REPS2: variants seen among roughly 807,000 people sequenced by gnomAD.
The protein encoded by REPS2 is ralBP1-associated Eps domain-containing protein 2.
Under a neutral mutation model 53.6 loss-of-function variants are expected in REPS2, and 23 were observed. The observed-to-expected ratio is 0.43, with a 90% CI of 0.31 to 0.61. REPS2 has a LOEUF of 0.61. REPS2 is among the 20% of genes least tolerant of loss of function. The pLI, the probability that REPS2 is intolerant of heterozygous loss-of-function variation, is 0.11. For missense variants in REPS2, 446 were observed against 534.9 expected, an observed-to-expected ratio of 0.83 and a Z score of 1.64; for synonymous variants, 238 against 218.6, an observed-to-expected ratio of 1.09 and a Z score of -0.78.
intron 1 of REPS2, among the ~76,000 whole-genome samples, chrX:17,000,806 A>G (rs1460131578): frequency 8.9e-6 from 1 of 112,139 alleles, no homozygotes; most frequent in Non-Finnish European, 1.9e-5. Context: ...ATGGGATTCA[A>G]AGAATAGTGT....
intron 1 of REPS2, among the ~76,000 whole-genome samples, chrX:16,981,696 G>A (rs1277928400): frequency 9.0e-6 from 1 of 111,727 alleles, no homozygotes; most frequent in East Asian, 2.8e-4. Flanking sequence ...CTTACCCGTA[G>A]GCAAAAATTG....
At chrX:17,088,225 A>C (rs1331931113) in intron 13 of REPS2, among the ~76,000 whole-genome samples, 1 of 111,763 alleles carries the variant, frequency 8.9e-6, no homozygotes. Context: ...ATACAGAAAC[A>C]CAACTAGTGA....
chrX:17,068,313 C>CA (rs1316646004), intron 9 of REPS2, 89 bp from the exon 10 acceptor site: 21,395 of 528,504 alleles, frequency 0.04, no homozygotes, highest in Non-Finnish European at 0.045. Context: ...GACTCTGTCT[C>CA]AAAAAAAAAA....
chrX:17,160,708 G>C, the REPS2 span, among the ~76,000 whole-genome samples: 10 of 112,295 alleles, frequency 8.9e-5, no homozygotes, highest in African/African-American at 1.6e-4. Flanking sequence ...GGGACCAAGA[G>C]TCCAGAGGGT....
intron 5 of REPS2, among the ~76,000 whole-genome samples, chrX:17,033,570 G>C (rs1302419737): frequency 8.9e-6 from 1 of 111,828 alleles, no homozygotes; most frequent in African/African-American, 3.2e-5. Context: ...CCTTATGCCT[G>C]TTCAGTCCCC....
intron 2 of REPS2, among the ~76,000 whole-genome samples, chrX:17,015,632 A>C (rs4828543): frequency 1.9e-5 from 2 of 104,623 alleles, no homozygotes; most frequent in African/African-American, 7.0e-5. Flanking sequence ...TCATTGTTCA[A>C]TTCCCACCTA....
At chrX:16,948,558 G>A (rs1457421491) in intron 1 of REPS2, among the ~76,000 whole-genome samples, 2 of 112,375 alleles carry the variant, frequency 1.8e-5, no homozygotes, top group Non-Finnish European at 3.8e-5. Flanking sequence ...ATAATTGACT[G>A]AGGCTATGCA....
chrX:17,183,942 G>T, the REPS2 span, among the ~76,000 whole-genome samples: 1 of 111,360 alleles, frequency 9.0e-6, no homozygotes, highest in Non-Finnish European at 1.9e-5. Context: ...CTTTCATTTG[G>T]ATCTCTGCAA....
intron 1 of REPS2, among the ~76,000 whole-genome samples, chrX:16,956,365 A>G (rs1377557680): frequency 1.2e-5 from 1 of 84,127 alleles, no homozygotes; most frequent in Non-Finnish European, 2.1e-5. Flanking sequence ...GCAATCTCAC[A>G]ATTTTGGTTC....
chrX:17,100,637 C>T (rs1428012256), intron 13 of REPS2, among the ~76,000 whole-genome samples: 1 of 112,517 alleles, frequency 8.9e-6, no homozygotes, highest in Non-Finnish European at 1.9e-5. Context: ...CTAGTAAATG[C>T]TCCCCTTTGA....
At chrX:17,079,388 G>A (rs2062424217) in intron 13 of REPS2, among the ~76,000 whole-genome samples, 1 of 111,580 alleles carries the variant, frequency 9.0e-6, no homozygotes, top group East Asian at 2.8e-4. Context: ...CAGAAGGCTC[G>A]CAAAAGGACT....
chrX:17,156,047 G>A (rs764670692), downstream of REPS2, among the ~76,000 whole-genome samples: 2 of 111,799 alleles, frequency 1.8e-5, no homozygotes, highest in East Asian at 5.6e-4. Flanking sequence ...AAGCCTGCAG[G>A]AGAAAATGCT....
intron 5 of REPS2, among the ~76,000 whole-genome samples, chrX:17,046,163 T>A (rs193037679): frequency 0.028 from 2,907 of 104,813 alleles, 84 homozygotes; most frequent in African/African-American, 0.089. Flanking sequence ...TTATTTATTT[T>A]TTTTTTTTTG....
intron 1 of REPS2, among the ~76,000 whole-genome samples, chrX:16,989,605 G>T (rs112165177): frequency 1.0e-3 from 113 of 112,064 alleles, no homozygotes; most frequent in African/African-American, 3.5e-3. Context: ...AAACAACCCA[G>T]TTAGAAAGTG....
the REPS2 span, among the ~76,000 whole-genome samples, chrX:17,185,637 A>G: frequency 8.9e-6 from 1 of 111,996 alleles, no homozygotes; most frequent in Non-Finnish European, 1.9e-5. Context: ...CCACTCTGGA[A>G]TGCAACCACC....
At chrX:17,030,926 G>A (rs2061701278) in intron 5 of REPS2, among the ~76,000 whole-genome samples, 1 of 112,111 alleles carries the variant, frequency 8.9e-6, no homozygotes, top group Non-Finnish European at 1.9e-5. Flanking sequence ...GAAACGTTGG[G>A]TGTAGTAAAA....
chrX:16,962,953 T>C (rs1448409841), intron 1 of REPS2, among the ~76,000 whole-genome samples: 1 of 110,718 alleles, frequency 9.0e-6, no homozygotes, highest in Non-Finnish European at 1.9e-5. Context: ...TTAAAAGTTA[T>C]CTGCGTGTGG....
chrX:17,096,335 A>T (rs952614578), intron 13 of REPS2, among the ~76,000 whole-genome samples: 2 of 111,918 alleles, frequency 1.8e-5, no homozygotes, highest in Non-Finnish European at 3.8e-5. Context: ...CAAAGCCCTC[A>T]GATACTGAAA....
chrX:17,056,375 A>G (rs1243386320), intron 8 of REPS2, among the ~76,000 whole-genome samples: 1 of 112,105 alleles, frequency 8.9e-6, no homozygotes, highest in Non-Finnish European at 1.9e-5. Context: ...AGTGGAATGG[A>G]ACTCTTATAC....
Sources: gnomAD v4.1 joint callset for allele counts (sites outside exome capture counted in the v4.1 genomes callset) on GRCh38, gnomAD v4.1.1 for gene constraint, MANE v1.5 for transcripts, NCBI Gene and HGNC (gene_info 2026-07-23, HGNC 2026-07-21) for gene names.